The following DCC variants were observed in gnomAD, a reference collection of about 807,000 sequenced individuals.
The protein encoded by DCC is netrin receptor DCC.
Under a neutral mutation model 172.5 loss-of-function variants are expected in DCC, and 58 were observed. That is an observed-to-expected ratio of 0.34 (90% CI 0.27 to 0.42). The LOEUF is 0.42. Among genes scored for constraint, DCC ranks in the 10% least tolerant of loss-of-function variants. The pLI is 1.00. For synonymous variants in DCC, 709 were observed against 644.5 expected (o/e 1.10, Z -1.52); for missense variants, 1,740 against 1,791.0 (o/e 0.97, Z 0.51).
At chr18:52,919,691 C>A (rs2040091277) in intron 3 of DCC, among the ~76,000 whole-genome samples, 2 of 150,888 alleles carry the variant, frequency 1.3e-5, no homozygotes, top group South Asian at 4.2e-4. Flanking sequence ...TATTTTAAAA[C>A]AAAGATTAAA....
chr18:52,822,072 A>G (rs562392962), intron 2 of DCC, among the ~76,000 whole-genome samples: 1 of 152,308 alleles, frequency 6.6e-6, no homozygotes, highest in East Asian at 1.9e-4. Flanking sequence ...AACCCATCCA[A>G]TATGTCCACT....
intron 1 of DCC, among the ~76,000 whole-genome samples, chr18:52,462,549 T>C (rs1357733883): frequency 6.6e-6 from 1 of 152,154 alleles, no homozygotes; most frequent in Non-Finnish European, 1.5e-5. Flanking sequence ...CTTTTAGGTC[T>C]TTGCTCAACT....
intron 1 of DCC, among the ~76,000 whole-genome samples, chr18:52,720,532 C>G (rs1016397530): frequency 6.6e-6 from 1 of 152,168 alleles, no homozygotes; most frequent in East Asian, 1.9e-4. Flanking sequence ...CATGATACCT[C>G]TGAACCCACG....
intron 1 of DCC, among the ~76,000 whole-genome samples, chr18:52,512,318 T>C (rs750811526): frequency 2.6e-5 from 4 of 152,192 alleles, no homozygotes; most frequent in Admixed American, 6.5e-5. Flanking sequence ...TTATTTAATC[T>C]TGGTGCCACT....
chr18:52,856,374 T>C (rs868249289), intron 2 of DCC, among the ~76,000 whole-genome samples: 16 of 151,342 alleles, frequency 1.1e-4, no homozygotes, highest in South Asian at 8.4e-4. Context: ...GCCTGTAATC[T>C]CAGCACTTTG....
chr18:53,319,969 C>T (rs2057389433), intron 13 of DCC, among the ~76,000 whole-genome samples: 1 of 152,080 alleles, frequency 6.6e-6, no homozygotes, highest in African/African-American at 2.4e-5. Context: ...AACTGACCAT[C>T]ACAGAGGATA....
intron 1 of DCC, among the ~76,000 whole-genome samples, chr18:52,745,795 C>T (rs774134890): frequency 2.0e-5 from 3 of 152,194 alleles, no homozygotes; most frequent in Non-Finnish European, 2.9e-5. Context: ...TCTATCCCCT[C>T]CCTACCCTTC....
intron 27 of DCC, among the ~76,000 whole-genome samples, chr18:53,500,522 A>G (rs748473602): frequency 1.3e-5 from 2 of 152,052 alleles, no homozygotes; most frequent in Non-Finnish European, 2.9e-5. Context: ...CACAAGCCAC[A>G]TAATGACTGT....
intron 7 of DCC, among the ~76,000 whole-genome samples, chr18:53,066,554 C>A (rs1030268338): frequency 2.0e-5 from 3 of 150,248 alleles, no homozygotes; most frequent in African/African-American, 7.3e-5. Flanking sequence ...TTCTTCCCAG[C>A]ATTCCATTTA....
chr18:53,398,752 T>A (rs1909114014), intron 18 of DCC, among the ~76,000 whole-genome samples: 1 of 152,136 alleles, frequency 6.6e-6, no homozygotes, highest in African/African-American at 2.4e-5. Flanking sequence ...CGCCTAGCCT[T>A]GTAGGGACAC....
intron 1 of DCC, among the ~76,000 whole-genome samples, chr18:52,572,209 G>T (rs551372288): frequency 3.7e-4 from 57 of 152,162 alleles, no homozygotes; most frequent in African/African-American, 1.4e-3. Flanking sequence ...AATAAACAGA[G>T]GCACTAAAGC....
chr18:53,441,044 A>G (rs1284318803), intron 22 of DCC, among the ~76,000 whole-genome samples: 1 of 152,212 alleles, frequency 6.6e-6, no homozygotes, highest in Non-Finnish European at 1.5e-5. Flanking sequence ...GGATGCCAGT[A>G]ATATCTCCTC....
At chr18:53,285,441 G>A (rs746533914) in intron 12 of DCC, among the ~76,000 whole-genome samples, 5 of 152,192 alleles carry the variant, frequency 3.3e-5, no homozygotes, top group Non-Finnish European at 5.9e-5. Context: ...AAGCTTCTAC[G>A]TTTTTAAGCC....
chr18:53,247,533 A>G (rs1433979987), intron 12 of DCC, among the ~76,000 whole-genome samples: 1 of 151,784 alleles, frequency 6.6e-6, no homozygotes, highest in Non-Finnish European at 1.5e-5. Context: ...ACAGGCTTTG[A>G]CAATTAAAGA....
chr18:53,506,393 A>ATGTT (rs1429213771), intron 27 of DCC, among the ~76,000 whole-genome samples: 1 of 152,204 alleles, frequency 6.6e-6, no homozygotes, highest in Admixed American at 6.5e-5. Flanking sequence ...ATTTTATAAC[A>ATGTT]TGTTTAATAA....
intron 10 of DCC, among the ~76,000 whole-genome samples, chr18:53,205,670 G>C (rs2055613764): frequency 6.6e-6 from 1 of 152,178 alleles, no homozygotes; most frequent in African/African-American, 2.4e-5. Context: ...TAACTCACCT[G>C]GTCGTGGAAG....
intron 1 of DCC, among the ~76,000 whole-genome samples, chr18:52,422,948 A>G (rs937871201): frequency 3.9e-5 from 6 of 152,134 alleles, no homozygotes; most frequent in African/African-American, 1.4e-4. Flanking sequence ...AGGACCTTCA[A>G]TTTGCAGACC....
At chr18:53,302,677 A>G (rs554947925) in intron 12 of DCC, among the ~76,000 whole-genome samples, 1 of 152,270 alleles carries the variant, frequency 6.6e-6, no homozygotes, top group African/African-American at 2.4e-5. Context: ...TGTCCTTAGC[A>G]TATATTCTTA....
At chr18:53,210,292 T>C (rs2055728448) in intron 11 of DCC, among the ~76,000 whole-genome samples, 1 of 152,214 alleles carries the variant, frequency 6.6e-6, no homozygotes, top group Non-Finnish European at 1.5e-5. Context: ...GTCACCTGCT[T>C]CCCAGTCTTC....
Sources: allele counts gnomAD v4.1 joint callset (sites outside exome capture counted in the v4.1 genomes callset), GRCh38; gene constraint gnomAD v4.1.1; transcripts MANE v1.5; gene names NCBI Gene and HGNC (gene_info 2026-07-23, HGNC 2026-07-21).